Variants in DISC1 observed in about 807,000 individuals in gnomAD.
DISC1 encodes the protein disrupted in schizophrenia 1 protein.
Under a neutral mutation model 84.5 loss-of-function variants are expected in DISC1, and 57 were observed. The ratio of observed to expected loss-of-function variants is 0.67; its 90% CI spans 0.55 to 0.84. The LOEUF is 0.84. Among genes scored for constraint, DISC1 ranks in the 40% least tolerant of loss-of-function variants. DISC1 has a pLI of 0.00. For synonymous variants in DISC1, 411 were observed against 415.2 expected (o/e 0.99, Z 0.12); for missense variants, 1,000 against 1,057.8 (o/e 0.95, Z 0.76).
intron 3 of DISC1, 106 bp downstream of exon 3, chr1:231,702,130 T>C (rs1320967380): frequency 6.7e-7 from 1 of 1,487,202 alleles, no homozygotes; most frequent in African/African-American, 1.4e-5. Flanking sequence ...TACAATCTGT[T>C]CCTCTGATCA....
At chr1:231,787,584 C>T (rs1414208665) in intron 6 of DISC1, among the ~76,000 whole-genome samples, 5 of 152,192 alleles carry the variant, frequency 3.3e-5, no homozygotes, top group African/African-American at 1.2e-4. Flanking sequence ...TCTTAAAGGT[C>T]CCGCCTCTCG....
intron 9 of DISC1, chr1:231,819,170 A>C: frequency 1.0e-6 from 1 of 973,754 alleles, no homozygotes; most frequent in Non-Finnish European, 1.2e-6. Flanking sequence ...TATTTCTTAA[A>C]AAATGGTTCC....
In DISC1 at chr1:232,004,400, A is replaced by AT. The variant is rs964211352; in HGVS notation, c.2043-4379dup. Among the ~76,000 whole-genome samples, 8 of 150,404 alleles carry AT rather than the reference A, an allele frequency of 5.3e-5. No individual in the cohort carries two copies. The East Asian group carries it at 7.7e-4, about 15-fold the overall frequency. ...TGAAAAGGAGATCTACGAACAAGTA[A>AT]TTTTTTAAATACTTTTTAAAAATAT... is the stretch of plus-strand genomic sequence containing the variant. On this transcript the variant is annotated intron_variant, in intron 10 of 12. Coordinates refer to ENST00000439617, the MANE Select transcript of DISC1 (RefSeq NM_018662.3).
At chr1:232,006,939 CA>C (rs1667525477) in intron 10 of DISC1, among the ~76,000 whole-genome samples, 1 of 152,132 alleles carries the variant, frequency 6.6e-6, no homozygotes, top group African/African-American at 2.4e-5. Context: ...CTGTCCCACA[CA>C]TGGCTAAAAG....
At chr1:231,765,878 A>G (rs929804388) in intron 4 of DISC1, among the ~76,000 whole-genome samples, 2 of 152,050 alleles carry the variant, frequency 1.3e-5, no homozygotes, top group Non-Finnish European at 2.9e-5. Flanking sequence ...CCTCCTTTTA[A>G]TCTCCATCAA....
chr1:232,014,849 G>A (rs574522006), intron 11 of DISC1, among the ~76,000 whole-genome samples: 1 of 152,200 alleles, frequency 6.6e-6, no homozygotes, highest in South Asian at 2.1e-4. Context: ...ATCTTTCCAA[G>A]GTTTCCAGCT....
At chr1:231,629,845 T>C (rs2058564447) in intron 1 of DISC1, among the ~76,000 whole-genome samples, 1 of 152,172 alleles carries the variant, frequency 6.6e-6, no homozygotes, top group Non-Finnish European at 1.5e-5. Context: ...AGAGACTAAA[T>C]TGTTGATATT....
chr1:232,013,167 C>T (rs111967734), intron 11 of DISC1, among the ~76,000 whole-genome samples: 368 of 152,244 alleles, frequency 2.4e-3, no homozygotes, highest in Non-Finnish European at 3.7e-3. Context: ...ACCTAGCCTG[C>T]GGGGTGCTTT....
At chr1:231,985,326 C>T (rs1158533784) in intron 10 of DISC1, among the ~76,000 whole-genome samples, 2 of 136,992 alleles carry the variant, frequency 1.5e-5, no homozygotes, top group African/African-American at 3.0e-5. Flanking sequence ...AACTCCATCC[C>T]CCCACCCACC....
At chr1:231,894,869 A>T (rs1314955027) in intron 9 of DISC1, among the ~76,000 whole-genome samples, 1 of 151,280 alleles carries the variant, frequency 6.6e-6, no homozygotes, top group Admixed American at 6.6e-5. Context: ...GCATTAGAGG[A>T]CATTCTGATA....
intron 1 of DISC1, among the ~76,000 whole-genome samples, chr1:231,642,175 C>T (rs1246190208): frequency 6.6e-6 from 1 of 152,118 alleles, no homozygotes; most frequent in Non-Finnish European, 1.5e-5. Context: ...TGCCCGGGGC[C>T]GGCGGGGCCG....
Position 232,031,078 on chromosome 1 carries a change from C to T in DISC1, c.2425+4526C>T, listed in dbSNP as rs1669972365. On this transcript the variant is annotated intron_variant, in intron 12 of 12. Coordinates refer to ENST00000439617, the MANE Select transcript of DISC1 (RefSeq NM_018662.3). This position sits in a 1 kb window ranked among gnomAD's most constrained non-coding sequence, Gnocchi z 4.6. ...GCTGAGACTGCACACTACTACACTC[C>T]AGCCTGGGCAACAAAGTAAGACACT... 6.6e-6 allele frequency among the ~76,000 whole-genome samples: 1 copy of T among 151,558 alleles called. No individual in the cohort carries two copies. Among genetic ancestry groups the T allele is most frequent in the Non-Finnish European group, 1.5e-5 (1 of 67,948 alleles).
At chr1:231,786,462 G>T (rs941069511) in intron 6 of DISC1, among the ~76,000 whole-genome samples, 1 of 152,192 alleles carries the variant, frequency 6.6e-6, no homozygotes, top group African/African-American at 2.4e-5. Flanking sequence ...CAGGTGTGTT[G>T]TTGTCACCTT....
chr1:231,878,973 C>T (rs933857594), intron 9 of DISC1, among the ~76,000 whole-genome samples: 1 of 152,134 alleles, frequency 6.6e-6, no homozygotes, highest in African/African-American at 2.4e-5. Flanking sequence ...GTGAATAGAC[C>T]ATGATTTAAT....
intron 1 of DISC1, among the ~76,000 whole-genome samples, chr1:231,676,150 G>T (rs932855957): frequency 6.6e-6 from 1 of 152,146 alleles, no homozygotes; most frequent in Admixed American, 6.5e-5. Context: ...CCCATCGTCT[G>T]CTGGTATATT....
At chr1:231,796,127 A>G (rs1467559721) in intron 7 of DISC1, among the ~76,000 whole-genome samples, 1 of 152,190 alleles carries the variant, frequency 6.6e-6, no homozygotes, top group Non-Finnish European at 1.5e-5. Context: ...CCCTGAGAGC[A>G]CAGTCAATTA....
Position 231,895,272 on chromosome 1 carries a change from T to G in DISC1, c.1982-63556T>G, listed in dbSNP as rs146969498. 4.0e-3 allele frequency among the ~76,000 whole-genome samples: 604 copies of G among 151,856 alleles called. 2 individuals are homozygous for G. Among genetic ancestry groups the G allele is most frequent in the Middle Eastern group, 0.017 (5 of 294 alleles). On this transcript the variant is annotated intron_variant, in intron 9 of 12. Transcript: ENST00000439617. ...TCCTTTCAAACAATATTATTCCACT[T>G]TATGTGTAAGTATATCTAATGAATA...
At chr1:231,666,847 A>C (rs2062070506) in intron 1 of DISC1, among the ~76,000 whole-genome samples, 1 of 152,226 alleles carries the variant, frequency 6.6e-6, no homozygotes, top group African/African-American at 2.4e-5. Context: ...CTGGCTGCAG[A>C]GGAGGAAGCT....
intron 3 of DISC1, among the ~76,000 whole-genome samples, chr1:231,733,356 G>A (rs564847532): frequency 9.5e-5 from 12 of 125,932 alleles, no homozygotes; most frequent in Non-Finnish European, 1.5e-4. Context: ...TGCAGTAGGA[G>A]TGGTGGTAGT....
Sources: gnomAD v4.1 joint callset for allele counts (sites outside exome capture counted in the v4.1 genomes callset) on GRCh38, gnomAD v4.1.1 for gene constraint, Gnocchi (gnomAD v3.1) non-coding constraint, MANE v1.5 for transcripts, NCBI Gene and HGNC (gene_info 2026-07-23, HGNC 2026-07-21) for gene names.